Variants in SLC35D4 observed in about 807,000 individuals in gnomAD.
SLC35D4 encodes solute carrier family 35 member D4.
chr18:23,396,639 G>C, the SLC35D4 span, among the ~76,000 whole-genome samples: 1 of 152,020 alleles, frequency 6.6e-6, no homozygotes, highest in Admixed American at 6.6e-5. Context: ...TCTCAGCAGG[G>C]TGCATGGCCC....
At chr18:23,282,781 G>A in the SLC35D4 span, among the ~76,000 whole-genome samples, 12 of 152,178 alleles carry the variant, frequency 7.9e-5, no homozygotes, top group African/African-American at 1.7e-4. Flanking sequence ...GCTTAGAAAT[G>A]CAGAATGCAT....
chr18:23,345,857 A>T, the SLC35D4 span, among the ~76,000 whole-genome samples: 3 of 152,152 alleles, frequency 2.0e-5, no homozygotes, highest in African/African-American at 7.2e-5. Context: ...TATAGTTTTC[A>T]ATGTATAAAT....
chr18:23,379,391 T>C, the SLC35D4 span, among the ~76,000 whole-genome samples: 72 of 152,240 alleles, frequency 4.7e-4, no homozygotes, highest in African/African-American at 1.7e-3. Flanking sequence ...CCCAAAGTGT[T>C]GGGATTACTG....
At chr18:23,433,799 TA>T in the SLC35D4 span, among the ~76,000 whole-genome samples, 65 of 150,878 alleles carry the variant, frequency 4.3e-4, no homozygotes, top group Middle Eastern at 6.8e-3. Context: ...AAAATTACAC[TA>T]AAAAAAATGG....
At chr18:23,244,013 A>G in the SLC35D4 span, among the ~76,000 whole-genome samples, 1 of 152,130 alleles carries the variant, frequency 6.6e-6, no homozygotes, top group Non-Finnish European at 1.5e-5. Flanking sequence ...ATATTGCAAC[A>G]TCTGCTCTCT....
the SLC35D4 span, among the ~76,000 whole-genome samples, chr18:23,275,989 G>A: frequency 2.4e-3 from 373 of 152,294 alleles, no homozygotes; most frequent in South Asian, 0.013. Flanking sequence ...TTCTGTTACG[G>A]ATGATGAAAA....
chr18:23,376,728 C>T, the SLC35D4 span: 60 of 452,818 alleles, frequency 1.3e-4, no homozygotes, highest in Admixed American at 1.3e-3. Context: ...CATCAGAGAT[C>T]ACCCCAAACA....
At chr18:23,364,933 A>AAT in the SLC35D4 span, among the ~76,000 whole-genome samples, 28 of 15,786 alleles carry the variant, frequency 1.8e-3, 13 homozygotes, top group East Asian at 0.011. Flanking sequence ...AAAAAAAAAA[A>AAT]GGACTCCTTT....
the SLC35D4 span, among the ~76,000 whole-genome samples, chr18:23,246,606 T>C: frequency 6.6e-6 from 1 of 151,814 alleles, no homozygotes; most frequent in Non-Finnish European, 1.5e-5. Context: ...TTAGCCAGGA[T>C]GGTCTCGATC....
the SLC35D4 span, among the ~76,000 whole-genome samples, chr18:23,327,416 A>G: frequency 6.6e-6 from 1 of 152,218 alleles, no homozygotes; most frequent in South Asian, 2.1e-4. Context: ...AGAATACTAT[A>G]AACACCTCTA....
At chr18:23,419,547 C>T in the SLC35D4 span, among the ~76,000 whole-genome samples, 3 of 152,114 alleles carry the variant, frequency 2.0e-5, no homozygotes, top group African/African-American at 7.2e-5. Flanking sequence ...CTGTCTCGGC[C>T]TCCCAAAGTG....
At chr18:23,321,184 T>C in the SLC35D4 span, among the ~76,000 whole-genome samples, 1 of 152,238 alleles carries the variant, frequency 6.6e-6, no homozygotes, top group South Asian at 2.1e-4. Flanking sequence ...TCAGTATAGC[T>C]AGGAAGGGTT....
At chr18:23,268,809 T>C in the SLC35D4 span, among the ~76,000 whole-genome samples, 4 of 151,964 alleles carry the variant, frequency 2.6e-5, no homozygotes, top group African/African-American at 7.2e-5. Context: ...TGTGCGTGTG[T>C]GTGTGTGTGT....
chr18:23,415,588 G>T, the SLC35D4 span, among the ~76,000 whole-genome samples: 1 of 152,238 alleles, frequency 6.6e-6, no homozygotes, highest in African/African-American at 2.4e-5. Flanking sequence ...CAGATGTCCA[G>T]TCAGATAAAA....
At chr18:23,360,710 G>A in the SLC35D4 span, among the ~76,000 whole-genome samples, 1 of 151,586 alleles carries the variant, frequency 6.6e-6, no homozygotes. Context: ...TGCCAAAATT[G>A]ATCGAGCTAT....
At chr18:23,294,728 G>A in the SLC35D4 span, among the ~76,000 whole-genome samples, 4 of 152,032 alleles carry the variant, frequency 2.6e-5, no homozygotes, top group East Asian at 7.7e-4. Context: ...CACTGCACTC[G>A]AGCCTGGGTA....
the SLC35D4 span, among the ~76,000 whole-genome samples, chr18:23,256,007 C>T: frequency 6.6e-6 from 1 of 152,306 alleles, no homozygotes; most frequent in South Asian, 2.1e-4. Context: ...ACAAAATGCC[C>T]TTGGCCTTCC....
the SLC35D4 span, among the ~76,000 whole-genome samples, chr18:23,405,700 A>G: frequency 6.6e-6 from 1 of 152,122 alleles, no homozygotes; most frequent in East Asian, 1.9e-4. Context: ...GAGGAGAGAG[A>G]GGGGTGTCGG....
At chr18:23,317,229 C>T in the SLC35D4 span, among the ~76,000 whole-genome samples, 1 of 152,138 alleles carries the variant, frequency 6.6e-6, no homozygotes, top group African/African-American at 2.4e-5. Flanking sequence ...ATTTCTTGGA[C>T]TGAAGCCCAG....
Sources: allele counts gnomAD v4.1 joint callset (sites outside exome capture counted in the v4.1 genomes callset), GRCh38; gene constraint gnomAD v4.1.1; transcripts MANE v1.5; gene names NCBI Gene and HGNC (gene_info 2026-07-23, HGNC 2026-07-21).